Variants in ING3 observed in about 807,000 individuals in gnomAD.
The protein encoded by ING3 is inhibitor of growth protein 3.
Under a neutral mutation model 64.8 loss-of-function variants are expected in ING3, and 6 were observed. The observed-to-expected ratio is 0.09, with a 90% CI of 0.05 to 0.18. The LOEUF (loss-of-function observed/expected upper bound fraction) is 0.18, where lower values mean the gene tolerates loss of function less well. Ranked by LOEUF, ING3 falls within the 10% of genes least tolerant of loss-of-function variation. ING3 has a pLI of 1.00. For synonymous variants in ING3, 170 were observed against 173.7 expected (o/e 0.98, Z 0.17); for missense variants, 310 against 489.7 (o/e 0.63, Z 3.46).
rs147798192 is a variant in ING3, at chr7:120,956,323, A to G, written c.267+699A>G. ...TTTTTGCATTAAAGTAAATTAAAGC[A>G]GAAAACACATGCTCACTTTTGGCTA... On this transcript the variant is annotated intron_variant, in intron 4 of 11. Coordinates refer to ENST00000315870, the MANE Select transcript of ING3 (RefSeq NM_019071.3). 4.9e-3 allele frequency: 6,975 copies of G among 1,411,120 alleles called. 20 individuals are homozygous for G. The highest frequency in any genetic ancestry group is 5.7e-3 in the Non-Finnish European group (6,137 of 1,083,786). The allele number at this position is 1,411,120 out of a possible 1,614,324, so 87.4% of individuals were successfully genotyped here.
chr7:120,968,935 C>A, intron 8 of ING3, 76 bp from the exon 9 acceptor site: 98 of 718,570 alleles, frequency 1.4e-4, no homozygotes, highest in South Asian at 6.3e-4. Flanking sequence ...CAAAATAAAA[C>A]TATAATTTGT....
At chr7:120,972,655 T>A (rs928640345) in intron 10 of ING3, among the ~76,000 whole-genome samples, 2 of 152,126 alleles carry the variant, frequency 1.3e-5, no homozygotes, top group African/African-American at 4.8e-5. Flanking sequence ...ATGCAGAGAA[T>A]CAGAAGATAT....
At chr7:120,969,319 G>A (rs1796037807) in intron 9 of ING3, 115 bp downstream of exon 9, 6 of 659,144 alleles carry the variant, frequency 9.1e-6, no homozygotes, top group Non-Finnish European at 1.4e-5. Context: ...AATTAACCTT[G>A]CAGAGGTAGG....
At position 120,958,404 on chromosome 7, in the gene ING3, C is replaced by T. The variant is rs745943155; in HGVS notation, c.267+2780C>T. ...AGGCTCAGATTGAAAAACTGGTACC[C>T]GGTTCACAGTTCTCTGTTGCAATCA... On this transcript the variant is annotated intron_variant, in intron 4 of 11. Coordinates refer to ENST00000315870, the MANE Select transcript of ING3 (RefSeq NM_019071.3). Among the ~76,000 whole-genome samples, 12 of 152,222 alleles carry T rather than the reference C, an allele frequency of 7.9e-5. No homozygotes were observed. In the South Asian group the frequency reaches 8.3e-4, roughly 11 times the overall value.
At chr7:120,974,444 A>G (rs1271732746) in intron 11 of ING3, among the ~76,000 whole-genome samples, 3 of 152,162 alleles carry the variant, frequency 2.0e-5, no homozygotes, top group African/African-American at 7.2e-5. Context: ...TGCCCTTGAA[A>G]GCTGAAAACT....
intron 10 of ING3, among the ~76,000 whole-genome samples, chr7:120,973,004 C>A (rs1282859692): frequency 6.6e-6 from 1 of 152,114 alleles, no homozygotes; most frequent in East Asian, 1.9e-4. Context: ...GCAGATAATT[C>A]CTGTGCATTT....
intron 5 of ING3, 84 bp from the exon 6 acceptor site, chr7:120,966,541 GA>G: frequency 1.0e-6 from 1 of 985,212 alleles, no homozygotes; most frequent in Non-Finnish European, 1.7e-6. Context: ...CTGGGTAAGG[GA>G]ACTCATTGCC....
At chr7:120,963,600 C>A (rs1316313863) in intron 4 of ING3, among the ~76,000 whole-genome samples, 1 of 152,104 alleles carries the variant, frequency 6.6e-6, no homozygotes, top group Admixed American at 6.6e-5. Context: ...CCTTCCGAGC[C>A]TTAATTTCTT....
intron 2 of ING3, among the ~76,000 whole-genome samples, chr7:120,951,651 A>G (rs1483717599): frequency 1.3e-5 from 2 of 152,246 alleles, no homozygotes; most frequent in South Asian, 2.1e-4. Flanking sequence ...AAGAGTGGAA[A>G]GCACAGAAGC....
chr7:120,970,748 A>G lies in ING3; in HGVS notation c.969A>G (p.Ser323=), dbSNP rs1394341021. ...SSSSSSSSSL[S]SCSSSSTVVQ... ...CTTCCTCCTCCTCTTCTTCCTTATC[A>G]TCGTGTTCTTCATCATCAACTGTTG... Residue 323 remains serine (S), a synonymous_variant, in exon 10 of 12, where the codon TCA becomes TCG. Coordinates refer to ENST00000315870, the MANE Select transcript of ING3 (RefSeq NM_019071.3). 1.2e-6 allele frequency: 2 copies of G among 1,613,040 alleles called. No homozygotes were observed. Among genetic ancestry groups the G allele is most frequent in the African/African-American group, 2.7e-5 (2 of 74,892 alleles).
At chr7:120,953,899 TGTTA>T (rs1288067513) in intron 3 of ING3, among the ~76,000 whole-genome samples, 2 of 152,228 alleles carry the variant, frequency 1.3e-5, no homozygotes, top group African/African-American at 4.8e-5. Flanking sequence ...TTTGAGGTTT[TGTTA>T]GTTTTATAGT....
In ING3 at chr7:120,951,174, G is replaced by A. The variant is rs1204075189; in HGVS notation, c.39G>A (p.Gln13=). The A allele has an allele frequency of 2.5e-6, 4 of 1,614,180 alleles. No individual in the cohort carries two copies. The highest frequency in any genetic ancestry group is 3.4e-6 in the Non-Finnish European group (4 of 1,180,026). Residue 13 remains glutamine, a synonymous_variant, in exon 2 of 12, where the codon CAG becomes CAA. Coordinates refer to ENST00000315870, the MANE Select transcript of ING3 (RefSeq NM_019071.3). ...CTCTCCCTTTGACAGTGATTGAGCAGCTTCCTATGGATCTGCGGGACCGCT... is the reference window on the plus strand; with the variant it reads ...CTCTCCCTTTGACAGTGATTGAGCAACTTCCTATGGATCTGCGGGACCGCT... ...YLEDYLEMIE[Q]LPMDLRDRFT...
chr7:120,972,154 A>AT (rs1029537791), intron 10 of ING3, among the ~76,000 whole-genome samples: 43 of 151,428 alleles, frequency 2.8e-4, no homozygotes, highest in African/African-American at 7.0e-4. Flanking sequence ...ATGACTGTTA[A>AT]TTTTTTTTTA....
chr7:120,956,014 G>C (rs1028283238), intron 4 of ING3: 1 of 642,168 alleles, frequency 1.6e-6, no homozygotes, highest in Non-Finnish European at 2.7e-6. Context: ...GCTTTGACAA[G>C]AGTTCTTGGT....
Position 120,954,789 on chromosome 7 carries a change from A to G in ING3, c.202-770A>G, listed in dbSNP as rs954587154. Among the ~76,000 whole-genome samples the G allele has an allele frequency of 2.6e-5, 4 of 152,324 alleles. No individual in the cohort carries two copies. The East Asian group carries it at 7.7e-4, about 29-fold the overall frequency. ...AATAAGTTGAGGCAAAATCTAAAAT[A>G]CAGATTGAGTTGTATGAATATATAC... On this transcript the variant is annotated intron_variant, in intron 3 of 11. Transcript: ENST00000315870.
intron 4 of ING3, among the ~76,000 whole-genome samples, chr7:120,958,898 C>T (rs1053485379): frequency 1.8e-4 from 28 of 152,308 alleles, no homozygotes; most frequent in Admixed American, 5.2e-4. Context: ...TCAATTTATT[C>T]CTAAATTTAT....
chr7:120,958,885 C>T (rs1266530303), intron 4 of ING3, among the ~76,000 whole-genome samples: 1 of 152,200 alleles, frequency 6.6e-6, no homozygotes, highest in Admixed American at 6.5e-5. Flanking sequence ...CACTCCCTTA[C>T]CTTCAATTTA....
intron 6 of ING3, 121 bp from the exon 7 acceptor site, chr7:120,967,408 G>A (rs965802033): frequency 1.3e-5 from 8 of 619,284 alleles, no homozygotes; most frequent in African/African-American, 1.1e-4. Flanking sequence ...GAAACATCAT[G>A]TTCTGTATTT....
intron 4 of ING3, chr7:120,956,586 G>T: frequency 1.0e-6 from 1 of 990,462 alleles, no homozygotes; most frequent in South Asian, 4.6e-5. Context: ...CTAACAACCT[G>T]GGCTCTTTTG....
Sources: allele counts gnomAD v4.1 joint callset (sites outside exome capture counted in the v4.1 genomes callset), GRCh38; gene constraint gnomAD v4.1.1; transcripts MANE v1.5; gene names NCBI Gene and HGNC (gene_info 2026-07-23, HGNC 2026-07-21).